Variants in TIMP2 observed in about 807,000 individuals in gnomAD.
TIMP2 encodes TIMP metallopeptidase inhibitor 2, also known as metalloproteinase inhibitor 2.
A neutral mutation model predicts 24.3 loss-of-function variants in TIMP2; 5 were observed. That is an observed-to-expected ratio of 0.21 (90% CI 0.11 to 0.43). The LOEUF is 0.43. Ranked by LOEUF, TIMP2 falls within the 20% of genes least tolerant of loss-of-function variation. The probability of loss-of-function intolerance (pLI) is 1.00; values close to 1 mark genes in which losing one functional copy is unlikely to be tolerated. For missense variants in TIMP2, 221 were observed against 297.5 expected (o/e 0.74, Z 1.89); for synonymous variants, 130 against 123.2 (o/e 1.06, Z -0.37).
chr17:78,873,693 G>A (rs1211376773), intron 2 of TIMP2, 126 bp downstream of exon 2: 3 of 678,292 alleles, frequency 4.4e-6, no homozygotes, highest in African/African-American at 1.8e-5. Flanking sequence ...GCAGCTTGAT[G>A]ACCTCATCCT....
At chr17:78,919,467 C>T (rs1000880896) in intron 1 of TIMP2, among the ~76,000 whole-genome samples, 15 of 152,174 alleles carry the variant, frequency 9.9e-5, no homozygotes, top group African/African-American at 3.6e-4. Context: ...GGTTACGGTC[C>T]CCAGTGCCGT....
At position 78,883,009 on chromosome 17, in the gene TIMP2, T is replaced by A. The variant is rs548229967; in HGVS notation, c.131-9090A>T. ...AGACCTCCTCCAAATTCACTCCTTT[T>A]AGGGAAATGAGCAGAAAAGAGGGCC... On this transcript the variant is annotated intron_variant, in intron 1 of 4. Coordinates refer to ENST00000262768, the MANE Select transcript of TIMP2 (RefSeq NM_003255.5). Among the ~76,000 whole-genome samples, 3 of 152,288 alleles carry A rather than the reference T, an allele frequency of 2.0e-5. No individual in the cohort carries two copies. The South Asian group carries it at 6.2e-4, about 32-fold the overall frequency.
chr17:78,862,826 T>C (rs983686446), intron 3 of TIMP2, among the ~76,000 whole-genome samples: 2 of 152,228 alleles, frequency 1.3e-5, no homozygotes, highest in African/African-American at 4.8e-5. Flanking sequence ...GGTTTTCTGT[T>C]TTTGCACTAG....
At chr17:78,898,347 CT>C (rs912545690) in intron 1 of TIMP2, 1 of 152,290 alleles carries the variant, frequency 6.6e-6, no homozygotes, top group African/African-American at 2.4e-5. Context: ...AGGCAGGCCC[CT>C]GATCCAGGCT....
At position 78,873,888 on chromosome 17, in the gene TIMP2, T is replaced by C. The variant is rs1190844151; in HGVS notation, c.162A>G (p.Glu54=). Residue 54 remains glutamate, a synonymous_variant, in exon 2 of 5, where the codon GAA becomes GAG. Coordinates refer to ENST00000262768, the MANE Select transcript of TIMP2 (RefSeq NM_003255.5). ...VIRAKAVSEK[E]VDSGNDIYGN... is the part of the protein sequence containing the mutation. ...CATAAATGTCGTTTCCAGAGTCCAC[T>C]TCCTTCTCACTGACCGCTTTGGCCC... The C allele has an allele frequency of 6.2e-7, 1 of 1,613,338 alleles. No homozygotes were observed.
intron 1 of TIMP2, among the ~76,000 whole-genome samples, chr17:78,875,961 G>A (rs1434472976): frequency 6.6e-6 from 1 of 152,162 alleles, no homozygotes; most frequent in Admixed American, 6.5e-5. Flanking sequence ...GCTGAGTCAT[G>A]ACTGGCCAAG....
At chr17:78,874,019 G>C in intron 1 of TIMP2, 100 bp from the exon 2 acceptor site, 1 of 1,088,518 alleles carries the variant, frequency 9.2e-7, no homozygotes, top group Non-Finnish European at 1.4e-6. Flanking sequence ...GGTGCTGGGG[G>C]GTTACAGACA....
intron 1 of TIMP2, among the ~76,000 whole-genome samples, chr17:78,885,090 G>A (rs144456166): frequency 5.5e-4 from 84 of 152,338 alleles, no homozygotes; most frequent in African/African-American, 1.9e-3. Context: ...CACAAGCAAC[G>A]CTGCTGCTCC....
Position 78,925,311 on chromosome 17 carries a change from G to A in TIMP2, c.-223C>T, listed in dbSNP as rs2070342960. 2 of 149,908 alleles carry A rather than the reference G, an allele frequency of 1.3e-5. No individual in the cohort carries two copies. Among genetic ancestry groups the A allele is most frequent in the South Asian group, 3.6e-4 (2 of 5,596 alleles). 9.3% of individuals were successfully genotyped at this position (149,908 alleles called of 1,614,324 possible). A position where few individuals can be genotyped will look rare whatever the true frequency, so the allele number is the denominator to read the frequency against. ...CGCGGGGCGCAATTCGCCGGGCGGG[G>A]CGGCGGGGTGGGGGGCGGCGGGCGA... On this transcript the variant is annotated 5_prime_UTR_variant, in exon 1 of 5. Transcript: ENST00000262768.
chr17:78,916,157 G>C (rs2070256176), intron 1 of TIMP2, among the ~76,000 whole-genome samples: 1 of 152,170 alleles, frequency 6.6e-6, no homozygotes, highest in South Asian at 2.1e-4. Flanking sequence ...CTAGCTCCGA[G>C]AGCTTCCTGG....
Position 78,855,579 on chromosome 17 carries a change from T to A in TIMP2, c.*88A>T. ...CATGGGATGAGTGTTTTATTCATGCTGTTTCCAGGAAGGGATGTCAGAGCT... is the reference window on the plus strand; with the variant it reads ...CATGGGATGAGTGTTTTATTCATGCAGTTTCCAGGAAGGGATGTCAGAGCT... On this transcript the variant is annotated 3_prime_UTR_variant, in exon 5 of 5. Coordinates refer to ENST00000262768, the MANE Select transcript of TIMP2 (RefSeq NM_003255.5). The surrounding 1 kb of genome is among the most constrained non-coding windows in gnomAD (Gnocchi z 6.0). The A allele has an allele frequency of 7.0e-7, 1 of 1,419,428 alleles. No homozygotes were observed. Among genetic ancestry groups the A allele is most frequent in the Non-Finnish European group, 9.7e-7 (1 of 1,035,702 alleles). 87.9% of individuals were successfully genotyped at this position (1,419,428 alleles called of 1,614,324 possible). A position where few individuals can be genotyped will look rare whatever the true frequency, so the allele number is the denominator to read the frequency against.
At chr17:78,858,456 A>C (rs2069542884) in intron 3 of TIMP2, among the ~76,000 whole-genome samples, 1 of 152,098 alleles carries the variant, frequency 6.6e-6, no homozygotes, top group African/African-American at 2.4e-5. Flanking sequence ...CTAAAAAAAA[A>C]AAAGAAAAGA....
At chr17:78,872,263 T>C (rs1177628790) in intron 2 of TIMP2, among the ~76,000 whole-genome samples, 1 of 151,946 alleles carries the variant, frequency 6.6e-6, no homozygotes, top group Non-Finnish European at 1.5e-5. Flanking sequence ...AGTTCTGGGA[T>C]TACAGGCATA....
At chr17:78,897,096 C>T (rs1186241113) in intron 1 of TIMP2, 3 of 423,580 alleles carry the variant, frequency 7.1e-6, no homozygotes, top group Non-Finnish European at 8.4e-6. Flanking sequence ...ACAGACAGCA[C>T]CCCCCCGCCC....
At chr17:78,888,485 C>T (rs899931251) in intron 1 of TIMP2, among the ~76,000 whole-genome samples, 2 of 152,098 alleles carry the variant, frequency 1.3e-5, no homozygotes, top group African/African-American at 2.4e-5. Context: ...GACAGGGTCT[C>T]GCTCTGTCAC....
At chr17:78,857,423 G>T in intron 4 of TIMP2, 99 bp downstream of exon 4, 1 of 1,508,698 alleles carries the variant, frequency 6.6e-7, no homozygotes, top group East Asian at 2.3e-5. Flanking sequence ...CAGGAGCCGG[G>T]GATTAACGGG....
Position 78,891,041 on chromosome 17 carries a change from T to C in TIMP2, c.131-17122A>G, listed in dbSNP as rs978635869. 29 of 1,551,076 alleles carry C rather than the reference T, an allele frequency of 1.9e-5. No individual in the cohort carries two copies. Among genetic ancestry groups the C allele is most frequent in the Non-Finnish European group, 2.4e-5 (27 of 1,147,138 alleles). ...CACTCTGTCTGCCTGGTCTTGAAGG[T>C]GGAGCTGAAGGGAGCCCTCTGCCAG... is the stretch of plus-strand genomic sequence containing the variant. On this transcript the variant is annotated intron_variant, in intron 1 of 4. Coordinates refer to ENST00000262768, the MANE Select transcript of TIMP2 (RefSeq NM_003255.5). The surrounding 1 kb of genome is among the most constrained non-coding windows in gnomAD (Gnocchi z 4.5).
intron 1 of TIMP2, among the ~76,000 whole-genome samples, chr17:78,880,552 A>C (rs2069770408): frequency 6.6e-6 from 1 of 152,086 alleles, no homozygotes; most frequent in African/African-American, 2.4e-5. Context: ...CAAAAACAAA[A>C]AAAAACAAAA....
intron 3 of TIMP2, among the ~76,000 whole-genome samples, chr17:78,866,034 A>G (rs1459802744): frequency 6.6e-6 from 1 of 152,220 alleles, no homozygotes; most frequent in African/African-American, 2.4e-5. Context: ...AACTGGAAGT[A>G]AGTTCCCTGC....
Sources: allele counts gnomAD v4.1 joint callset (sites outside exome capture counted in the v4.1 genomes callset), GRCh38; gene constraint gnomAD v4.1.1; non-coding constraint Gnocchi (gnomAD v3.1); transcripts MANE v1.5; gene names NCBI Gene and HGNC (gene_info 2026-07-23, HGNC 2026-07-21).